The following TMEM74 variants were observed in gnomAD, a reference collection of about 807,000 sequenced individuals.
TMEM74 encodes the protein transmembrane protein 74.
In TMEM74, 13 loss-of-function variants were observed where a neutral mutation model predicts 18.1. The ratio of observed to expected loss-of-function variants is 0.72; its 90% confidence interval spans 0.47 to 1.14. The LOEUF is 1.14. TMEM74 is among the 50% of genes most tolerant of loss of function. TMEM74 has a pLI of 0.00. For missense variants in TMEM74, 372 were observed against 375.9 expected (o/e 0.99, Z 0.09); for synonymous variants, 159 against 146.6 (o/e 1.08, Z -0.61).
chr8:108,781,431 C>T lies in TMEM74; in HGVS notation c.*2750G>A, dbSNP rs562346188. ...CATGGCTTTTCTTTGCCTGTGTTAC[C>T]ATCATTTTAAATTCAAGTAATCTTC... is the stretch of plus-strand genomic sequence containing the variant. On this transcript the variant is annotated 3_prime_UTR_variant, in exon 2 of 2. Coordinates refer to ENST00000297459, the MANE Select transcript of TMEM74 (RefSeq NM_153015.3). 9.2e-5 allele frequency among the ~76,000 whole-genome samples: 14 copies of T among 152,190 alleles called. No homozygotes were observed. The East Asian group carries it at 2.5e-3, about 27-fold the overall frequency.
In TMEM74 at chr8:108,655,718, T is replaced by A. The variant is rs934293043; in HGVS notation, n.120-281A>T. 2.1e-4 allele frequency among the ~76,000 whole-genome samples: 32 copies of A among 152,212 alleles called. No homozygotes were observed. In the East Asian group the frequency reaches 5.8e-3, roughly 28 times the overall value. Reference sequence around the variant, plus strand: ...TCATAGGCATCAACATCTAAGAAAATCTTCTGCAGGTCTTTCCTGCCACAG... The same window carrying A: ...TCATAGGCATCAACATCTAAGAAAAACTTCTGCAGGTCTTTCCTGCCACAG... On this transcript the variant is annotated intron_variant and non_coding_transcript_variant, in intron 1 of 3. Transcript: ENST00000518838.
chr8:108,620,636 A>G (rs145392978), intron 2 of TMEM74, among the ~76,000 whole-genome samples: 2 of 152,164 alleles, frequency 1.3e-5, no homozygotes, highest in African/African-American at 4.8e-5. Flanking sequence ...AGGTTTGTGT[A>G]TATTCTTTCT....
chr8:108,643,000 A>T (rs1812681789), intron 2 of TMEM74, among the ~76,000 whole-genome samples: 1 of 152,138 alleles, frequency 6.6e-6, no homozygotes, highest in South Asian at 2.1e-4. Context: ...CTCACTATAT[A>T]CCCCTTACCC....
chr8:108,616,488 G>A (rs116272730), intron 2 of TMEM74, among the ~76,000 whole-genome samples: 1,814 of 152,270 alleles, frequency 0.012, 44 homozygotes, highest in African/African-American at 0.042. Flanking sequence ...TAAGTATTTA[G>A]TGGAAAGGTT....
exon 4 of TMEM74, chr8:108,606,857 A>C (rs1283177189): frequency 6.6e-6 from 1 of 152,228 alleles, no homozygotes; most frequent in African/African-American, 2.4e-5. Flanking sequence ...TGATGCTTAA[A>C]TCATCCATTT....
At chr8:108,639,504 T>C (rs1402745572) in intron 2 of TMEM74, among the ~76,000 whole-genome samples, 2 of 152,176 alleles carry the variant, frequency 1.3e-5, no homozygotes, top group South Asian at 2.1e-4. Context: ...ACACATGGTG[T>C]TCCCTTCTGA....
intron 1 of TMEM74, among the ~76,000 whole-genome samples, chr8:108,694,846 T>C (rs1287601726): frequency 6.6e-6 from 1 of 152,174 alleles, no homozygotes; most frequent in African/African-American, 2.4e-5. Flanking sequence ...GGCAGGTGGC[T>C]GGGAAGAGAA....
In TMEM74 at chr8:108,645,411, C is replaced by G. The variant is rs937475518; in HGVS notation, n.264+9882G>C. ...AACTTTTGGATACTATGCTCAGTGC[C>G]TGGGTGATGGGATCAGTCACACCCT... is the stretch of plus-strand genomic sequence containing the variant. On this transcript the variant is annotated intron_variant and non_coding_transcript_variant, in intron 2 of 3. Transcript: ENST00000518838. 5.3e-5 allele frequency among the ~76,000 whole-genome samples: 8 copies of G among 152,080 alleles called. No individual in the cohort carries two copies. In the South Asian group the frequency reaches 1.7e-3, roughly 32 times the overall value.
At chr8:108,704,278 A>G (rs545400296) in intron 1 of TMEM74, among the ~76,000 whole-genome samples, 1 of 152,240 alleles carries the variant, frequency 6.6e-6, no homozygotes, top group South Asian at 2.1e-4. Flanking sequence ...GTTCCTATGC[A>G]TGTGTTTATC....
chr8:108,778,936 T>C (rs1381323961), downstream of TMEM74, among the ~76,000 whole-genome samples: 1 of 152,170 alleles, frequency 6.6e-6, no homozygotes, highest in Non-Finnish European at 1.5e-5. Flanking sequence ...GTCTACATTA[T>C]ATAGTGAAAT....
chr8:108,614,178 G>A (rs1029100544), intron 2 of TMEM74, among the ~76,000 whole-genome samples: 1 of 151,776 alleles, frequency 6.6e-6, no homozygotes, highest in African/African-American at 2.4e-5. Flanking sequence ...ATAAAAAGTT[G>A]TGAATGAAAA....
At chr8:108,659,566 A>G (rs1399901318) in intron 1 of TMEM74, among the ~76,000 whole-genome samples, 2 of 152,132 alleles carry the variant, frequency 1.3e-5, no homozygotes, top group Non-Finnish European at 2.9e-5. Flanking sequence ...GAATATTGGT[A>G]ATTCCAAGAT....
rs1372958955 is a variant in TMEM74 at position 108,784,972 on chromosome 8, G to GA, written c.126dup (p.Gln43SerfsTer17). ...CTTGGGGTGGATGCACACTGTTTCTGACAGCAGAGAGCAGCTCTTGTGGCT... is the reference window on the plus strand; with the variant it reads ...CTTGGGGTGGATGCACACTGTTTCTGAACAGCAGAGAGCAGCTCTTGTGGCT... On this transcript the variant is annotated frameshift_variant, in exon 2 of 2. Coordinates refer to ENST00000297459, the MANE Select transcript of TMEM74 (RefSeq NM_153015.3). LOFTEE classifies it high-confidence loss of function. The GA allele has an allele frequency of 1.2e-6, 2 of 1,614,016 alleles. No homozygotes were observed. Among genetic ancestry groups the GA allele is most frequent in the South Asian group, 2.2e-5 (2 of 91,062 alleles).
At chr8:108,763,507 G>A (rs1392382003) in intron 1 of TMEM74, among the ~76,000 whole-genome samples, 4 of 151,918 alleles carry the variant, frequency 2.6e-5, no homozygotes, top group African/African-American at 7.3e-5. Flanking sequence ...AACAATTGAC[G>A]CTTGGCATTT....
intron 2 of TMEM74, among the ~76,000 whole-genome samples, chr8:108,631,369 A>T (rs537434512): frequency 1.5e-4 from 23 of 152,070 alleles, no homozygotes; most frequent in African/African-American, 5.3e-4. Flanking sequence ...CTGTTAGGTC[A>T]CCTGGGAAAA....
intron 1 of TMEM74, among the ~76,000 whole-genome samples, chr8:108,682,236 C>T (rs927272162): frequency 1.3e-5 from 2 of 151,904 alleles, no homozygotes; most frequent in Non-Finnish European, 2.9e-5. Context: ...TGAGCAATCC[C>T]GGATCATTCT....
intron 1 of TMEM74, among the ~76,000 whole-genome samples, chr8:108,682,382 A>T (rs529171221): frequency 3.9e-4 from 60 of 152,130 alleles, no homozygotes; most frequent in African/African-American, 1.3e-3. Context: ...TCTTCATCTA[A>T]ATTATTTTCT....
chr8:108,740,699 C>T (rs982559142), intron 1 of TMEM74, among the ~76,000 whole-genome samples: 1 of 152,170 alleles, frequency 6.6e-6, no homozygotes, highest in African/African-American at 2.4e-5. Flanking sequence ...GATCTGTGAT[C>T]ACTGATCTTG....
chr8:108,750,073 G>A (rs1456309894), intron 1 of TMEM74, among the ~76,000 whole-genome samples: 1 of 152,002 alleles, frequency 6.6e-6, no homozygotes, highest in Non-Finnish European at 1.5e-5. Context: ...CTTTTCAGCA[G>A]CATTTTCAAA....
Sources: gnomAD v4.1 joint callset for allele counts (sites outside exome capture counted in the v4.1 genomes callset) on GRCh38, gnomAD v4.1.1 for gene constraint, MANE v1.5 for transcripts, NCBI Gene and HGNC (gene_info 2026-07-23, HGNC 2026-07-21) for gene names.